The following CRACD variants were observed in gnomAD, a reference collection of about 807,000 sequenced individuals.
CRACD encodes the protein capping protein-inhibiting regulator of actin dynamics.
CRACD carries 56 observed loss-of-function variants against 106.8 expected under a neutral mutation model. The observed-to-expected ratio is 0.52, with a 90% confidence interval of 0.42 to 0.66. The LOEUF is 0.66. Ranked by LOEUF, CRACD falls within the 30% of genes least tolerant of loss-of-function variation. The pLI, the probability that CRACD is intolerant of heterozygous loss-of-function variation, is 0.00. For synonymous variants in CRACD, 754 were observed against 670.8 expected, an observed-to-expected ratio of 1.12 and a Z score of -1.92; for missense variants, 1,730 against 1,623.2, an observed-to-expected ratio of 1.07 and a Z score of -1.13.
At chr4:56,281,051 GA>G in intron 3 of CRACD, among the ~76,000 whole-genome samples, 1 of 152,188 alleles carries the variant, frequency 6.6e-6, no homozygotes, top group Non-Finnish European at 1.5e-5. Flanking sequence ...TATGTCTAGA[GA>G]AAAAGAAGGT....
chr4:56,106,639 G>A (rs1733956327), intron 1 of CRACD, among the ~76,000 whole-genome samples: 1 of 152,160 alleles, frequency 6.6e-6, no homozygotes, highest in Non-Finnish European at 1.5e-5. Flanking sequence ...AAAGCAAATA[G>A]CAGACCGGCT....
intron 2 of CRACD, among the ~76,000 whole-genome samples, chr4:56,232,636 T>G (rs1013462297): frequency 6.6e-6 from 1 of 152,170 alleles, no homozygotes; most frequent in Non-Finnish European, 1.5e-5. Flanking sequence ...ACAGTTAGCA[T>G]ATAGTGTCTT....
intron 1 of CRACD, among the ~76,000 whole-genome samples, chr4:56,076,432 G>C (rs1468531554): frequency 1.5e-4 from 23 of 152,122 alleles, no homozygotes; most frequent in Non-Finnish European, 2.9e-5. Context: ...TCTACTTTCT[G>C]ATTCTCTGAA....
intron 2 of CRACD, among the ~76,000 whole-genome samples, chr4:56,202,801 A>G (rs1204694296): frequency 1.3e-5 from 2 of 152,170 alleles, no homozygotes; most frequent in Admixed American, 6.5e-5. Flanking sequence ...ACTATAAAAC[A>G]TTTTGAAAAG....
At chr4:56,257,788 T>A (rs1252471567) in intron 2 of CRACD, among the ~76,000 whole-genome samples, 2 of 151,978 alleles carry the variant, frequency 1.3e-5, no homozygotes, top group African/African-American at 4.8e-5. Context: ...ATAAGAAACA[T>A]TGGCCGGCCA....
At position 56,228,647 on chromosome 4, in the gene CRACD, T is replaced by TA. The variant is rs1416367164; in HGVS notation, c.-188-43673dup. ...AAAAAAGAATTCCAGGTGAGGGTGT[T>TA]ACTGTTGTTATGAGGGAAGCAGCTA... On this transcript the variant is annotated intron_variant, in intron 2 of 10. Transcript: ENST00000682029. Among the ~76,000 whole-genome samples, 138 of 150,384 alleles carry TA rather than the reference T, an allele frequency of 9.2e-4. 1 individual carries two copies. Among genetic ancestry groups the TA allele is most frequent in the African/African-American group, 3.1e-3 (127 of 40,992 alleles).
At chr4:56,123,633 T>C (rs548182598) in intron 1 of CRACD, among the ~76,000 whole-genome samples, 1 of 152,214 alleles carries the variant, frequency 6.6e-6, no homozygotes, top group Non-Finnish European at 1.5e-5. Flanking sequence ...GTTTTATAGA[T>C]GAGGAAACAG....
Position 56,199,692 on chromosome 4 carries a change from AAG to A in CRACD, c.-189+20264_-189+20265del, listed in dbSNP as rs1472880069. Reference sequence around the variant, plus strand: ...GCGAAACTCCGTCTCAAAAAAAAAAAAGAAAAGAAAAAAAAAGAAAAAGAGAA... The same window carrying A: ...GCGAAACTCCGTCTCAAAAAAAAAAAAAAAGAAAAAAAAAGAAAAAGAGAA... On this transcript the variant is annotated intron_variant, in intron 2 of 10. Coordinates refer to ENST00000682029, the MANE Select transcript of CRACD (RefSeq NM_001393381.1). Among the ~76,000 whole-genome samples the A allele has an allele frequency of 6.7e-3, 978 of 146,894 alleles. 32 individuals are homozygous for A. The highest frequency in any genetic ancestry group is 0.022 in the African/African-American group (872 of 38,960).
In CRACD at chr4:56,313,399, G is replaced by A; in HGVS notation, c.537+20G>A. ...GCCCAGGTGTGTAGAGCCTGCACGG[G>A]CTGACCAGGCAGGTGCCCTTGCCTA... On this transcript the variant is annotated intron_variant, in intron 7 of 10. Coordinates refer to ENST00000682029, the MANE Select transcript of CRACD (RefSeq NM_001393381.1). 1.2e-6 allele frequency: 2 copies of A among 1,600,708 alleles called. No individual in the cohort carries two copies. Among genetic ancestry groups the A allele is most frequent in the South Asian group, 1.1e-5 (1 of 90,164 alleles).
At chr4:56,177,292 G>A (rs1392853295) in intron 1 of CRACD, among the ~76,000 whole-genome samples, 1 of 152,114 alleles carries the variant, frequency 6.6e-6, no homozygotes, top group East Asian at 1.9e-4. Context: ...GAATTTCATT[G>A]AATGCTTTTT....
At chr4:56,214,639 G>A (rs1047715411) in intron 2 of CRACD, among the ~76,000 whole-genome samples, 4 of 128,998 alleles carry the variant, frequency 3.1e-5, no homozygotes, top group Admixed American at 8.0e-5. Context: ...CCAGCCTGGC[G>A]ACAGAGCTAG....
chr4:56,052,229 T>A (rs1731903429), intron 1 of CRACD, among the ~76,000 whole-genome samples: 1 of 152,208 alleles, frequency 6.6e-6, no homozygotes, highest in Non-Finnish European at 1.5e-5. Context: ...CATTTTACTT[T>A]GCCACCCAGT....
intron 2 of CRACD, among the ~76,000 whole-genome samples, chr4:56,237,802 G>C (rs1160144887): frequency 6.6e-6 from 1 of 151,032 alleles, no homozygotes; most frequent in East Asian, 1.9e-4. Context: ...AGCGATGGAT[G>C]AATCAGTCAG....
At chr4:56,173,369 G>A (rs114995084) in intron 1 of CRACD, among the ~76,000 whole-genome samples, 1,755 of 152,298 alleles carry the variant, frequency 0.012, 15 homozygotes, top group South Asian at 0.016. Flanking sequence ...CAGGTGTTCT[G>A]TAAAGTTATC....
At chr4:56,135,393 T>C (rs1331242422) in intron 1 of CRACD, among the ~76,000 whole-genome samples, 1 of 152,200 alleles carries the variant, frequency 6.6e-6, no homozygotes, top group African/African-American at 2.4e-5. Context: ...TAGGTTGACT[T>C]TGGGATTTCC....
intron 2 of CRACD, among the ~76,000 whole-genome samples, chr4:56,228,950 G>A (rs746976784): frequency 1.3e-5 from 2 of 152,162 alleles, no homozygotes; most frequent in South Asian, 2.1e-4. Flanking sequence ...TTTGACAAAC[G>A]ACAAGTACAT....
intron 2 of CRACD, among the ~76,000 whole-genome samples, chr4:56,268,794 A>G (rs998100284): frequency 2.0e-5 from 3 of 152,224 alleles, no homozygotes; most frequent in Non-Finnish European, 4.4e-5. Context: ...CTTTGTAAGG[A>G]CATTCTTTTA....
chr4:56,158,500 G>A (rs760365394), intron 1 of CRACD, among the ~76,000 whole-genome samples: 1 of 152,004 alleles, frequency 6.6e-6, no homozygotes, highest in Non-Finnish European at 1.5e-5. Context: ...TCTCAAAATA[G>A]CATATTTCTG....
intron 3 of CRACD, among the ~76,000 whole-genome samples, chr4:56,282,918 T>C (rs772343497): frequency 6.6e-6 from 1 of 152,182 alleles, no homozygotes; most frequent in African/African-American, 2.4e-5. Context: ...AAAATAGAGA[T>C]AGCTCTTCCT....
Sources: gnomAD v4.1 joint callset for allele counts (sites outside exome capture counted in the v4.1 genomes callset) on GRCh38, gnomAD v4.1.1 for gene constraint, MANE v1.5 for transcripts, NCBI Gene and HGNC (gene_info 2026-07-23, HGNC 2026-07-21) for gene names.